VAV3: variants seen among roughly 807,000 people sequenced by gnomAD.
VAV3 encodes the protein guanine nucleotide exchange factor VAV3.
In VAV3, 94 loss-of-function variants were observed where a neutral mutation model predicts 131.2. The ratio of observed to expected loss-of-function variants is 0.72; its 90% CI spans 0.61 to 0.85. VAV3 has a LOEUF of 0.85. Among genes scored for constraint, VAV3 ranks in the 40% least tolerant of loss-of-function variants. VAV3 has a pLI of 0.00. For synonymous variants in VAV3, 349 were observed against 342.0 expected (o/e 1.02, Z -0.22); for missense variants, 939 against 1,002.7 (o/e 0.94, Z 0.86).
intron 19 of VAV3, among the ~76,000 whole-genome samples, chr1:107,644,543 T>G (rs1298248099): frequency 1.3e-5 from 2 of 152,122 alleles, no homozygotes; most frequent in Non-Finnish European, 2.9e-5. Flanking sequence ...GGGCCAGTTC[T>G]GAGCCGTGGA....
intron 2 of VAV3, among the ~76,000 whole-genome samples, chr1:107,827,047 T>C (rs1220593830): frequency 6.6e-6 from 1 of 152,216 alleles, no homozygotes; most frequent in Non-Finnish European, 1.5e-5. Flanking sequence ...TAATAGTTTC[T>C]CATACTTTCT....
Position 107,952,468 on chromosome 1 carries a change from T to TTATATATATATATATATATATATA in VAV3, c.204+12197_204+12198insTATATATATATATATATATATATA, listed in dbSNP as rs1161088981. Among the ~76,000 whole-genome samples the TTATATATATATATATATATATATA allele has an allele frequency of 2.3e-3, 276 of 118,798 alleles. 2 individuals carry two copies. The highest frequency in any genetic ancestry group is 4.1e-3 in the Middle Eastern group (1 of 242). The allele number at this position is 118,798 out of a possible 152,430, so 77.9% of individuals were successfully genotyped here. A position where few individuals can be genotyped will look rare whatever the true frequency, so the allele number is the denominator to read the frequency against. On this transcript the variant is annotated intron_variant, in intron 1 of 26. Transcript: ENST00000370056. ...TGTGCCCCGAACTTATAACAAAACT[T>TTATATATATATATATATATATATA]TATATATATATATATATACACACAT...
Position 107,642,700 on chromosome 1 carries a change from C to A in VAV3, c.1833G>T (p.Leu611=), listed in dbSNP as rs773571849. 6.2e-7 allele frequency: 1 copy of A among 1,613,274 alleles called. No homozygotes were observed. Among genetic ancestry groups the A allele is most frequent in the South Asian group, 1.1e-5 (1 of 90,994 alleles). Residue 611 remains leucine (L), a synonymous_variant, in exon 20 of 27, where the codon CTG becomes CTT. Coordinates refer to ENST00000370056, the MANE Select transcript of VAV3 (RefSeq NM_006113.5). ...GGAGCTGTAAAGGGGGTCCTTCATG[C>A]AGAGCTGGGGGTGGTGTTCCAGAAT... ...RNYSGTPPPA[L]HEGPPLQLQA...
intron 1 of VAV3, among the ~76,000 whole-genome samples, chr1:107,925,073 T>C (rs1004552630): frequency 6.6e-6 from 1 of 152,228 alleles, no homozygotes; most frequent in Non-Finnish European, 1.5e-5. Flanking sequence ...TGGGACAATG[T>C]GGATATGTCT....
intron 2 of VAV3, among the ~76,000 whole-genome samples, chr1:107,807,070 T>C (rs1040574160): frequency 2.6e-5 from 4 of 152,186 alleles, no homozygotes; most frequent in African/African-American, 4.8e-5. Flanking sequence ...CTCTGGTTGG[T>C]TGAACCCAAG....
intron 1 of VAV3, among the ~76,000 whole-genome samples, chr1:107,918,951 C>T (rs1180065622): frequency 6.6e-6 from 1 of 152,064 alleles, no homozygotes; most frequent in Non-Finnish European, 1.5e-5. Flanking sequence ...AGGTGATCCG[C>T]CCGCCTCAGC....
intron 2 of VAV3, among the ~76,000 whole-genome samples, chr1:107,847,778 A>G (rs1318594694): frequency 6.6e-6 from 1 of 152,200 alleles, no homozygotes. Flanking sequence ...GCAGTAATTA[A>G]TAGCTGACCA....
chr1:107,952,468 T>TTTATA (rs1553235441), intron 1 of VAV3, among the ~76,000 whole-genome samples: 50 of 118,852 alleles, frequency 4.2e-4, no homozygotes, highest in African/African-American at 8.9e-4. Flanking sequence ...TAACAAAACT[T>TTTATA]TATATATATA....
intron 1 of VAV3, among the ~76,000 whole-genome samples, chr1:107,905,327 G>T (rs781019404): frequency 6.6e-6 from 1 of 152,048 alleles, no homozygotes; most frequent in East Asian, 1.9e-4. Context: ...CTAAACTCCT[G>T]TTTGCACATG....
At chr1:107,711,913 T>TGACCTCAGGTGATCTGCC in intron 15 of VAV3, among the ~76,000 whole-genome samples, 1 of 152,242 alleles carries the variant, frequency 6.6e-6, no homozygotes, top group East Asian at 1.9e-4. Flanking sequence ...CTCAAACTCC[T>TGACCTCAGGTGATCTGCC]GACCTCAGGT....
intron 19 of VAV3, among the ~76,000 whole-genome samples, chr1:107,683,177 T>C (rs887822092): frequency 6.6e-6 from 1 of 152,188 alleles, no homozygotes; most frequent in Non-Finnish European, 1.5e-5. Context: ...GCTGGTTTTC[T>C]TACTAGATTT....
chr1:107,766,682 T>C (rs777398902), intron 7 of VAV3, 132 bp from the exon 8 acceptor site: 2 of 676,224 alleles, frequency 3.0e-6, no homozygotes, highest in Non-Finnish European at 5.2e-6. Flanking sequence ...TAAAACTGCT[T>C]CCACCAATAA....
intron 15 of VAV3, among the ~76,000 whole-genome samples, chr1:107,744,693 T>C (rs758353610): frequency 1.3e-5 from 2 of 152,182 alleles, no homozygotes; most frequent in Non-Finnish European, 2.9e-5. Context: ...TTTACTCAGG[T>C]TTAACTTATT....
intron 15 of VAV3, among the ~76,000 whole-genome samples, chr1:107,737,451 A>G (rs547803438): frequency 2.5e-4 from 38 of 152,310 alleles, no homozygotes; most frequent in African/African-American, 8.9e-4. Flanking sequence ...TTTGCAATCT[A>G]CCCATCTGAC....
intron 15 of VAV3, among the ~76,000 whole-genome samples, chr1:107,736,532 G>A (rs1287957059): frequency 3.3e-5 from 5 of 152,234 alleles, no homozygotes; most frequent in Admixed American, 1.3e-4. Context: ...AAATCAATGT[G>A]CAAAAATCAC....
intron 18 of VAV3, among the ~76,000 whole-genome samples, chr1:107,686,480 A>T (rs1181605688): frequency 6.6e-6 from 1 of 152,174 alleles, no homozygotes; most frequent in East Asian, 1.9e-4. Context: ...AAGATTCCTG[A>T]GCAGCATACA....
intron 2 of VAV3, among the ~76,000 whole-genome samples, chr1:107,805,177 C>G (rs760833195): frequency 1.3e-5 from 2 of 151,994 alleles, no homozygotes; most frequent in Non-Finnish European, 2.9e-5. Flanking sequence ...TTTCTCTGAC[C>G]TTTCTGTGCC....
intron 25 of VAV3, among the ~76,000 whole-genome samples, chr1:107,595,396 C>A (rs1053232843): frequency 4.1e-5 from 6 of 147,272 alleles, no homozygotes; most frequent in Non-Finnish European, 9.1e-5. Context: ...GACGCAAATT[C>A]TGTTTTCAAA....
intron 19 of VAV3, among the ~76,000 whole-genome samples, chr1:107,665,371 T>C (rs1186031821): frequency 6.6e-6 from 1 of 152,170 alleles, no homozygotes; most frequent in Non-Finnish European, 1.5e-5. Context: ...TGGTTTTTCT[T>C]ATCACATGGG....
Sources: allele counts gnomAD v4.1 joint callset (sites outside exome capture counted in the v4.1 genomes callset), GRCh38; gene constraint gnomAD v4.1.1; transcripts MANE v1.5; gene names NCBI Gene and HGNC (gene_info 2026-07-23, HGNC 2026-07-21).